The following AGBL4 variants were observed in gnomAD, a reference collection of about 807,000 sequenced individuals.
AGBL4 encodes AGBL carboxypeptidase 4.
Under a neutral mutation model 66.4 loss-of-function variants are expected in AGBL4, and 58 were observed. That is an observed-to-expected ratio of 0.87 (90% CI 0.71 to 1.09). AGBL4 has a LOEUF of 1.09. Ranked by LOEUF, AGBL4 falls within the 50% of genes least tolerant of loss-of-function variation. The pLI is 0.00. For missense variants in AGBL4, 579 were observed against 631.0 expected (o/e 0.92, Z 0.88); for synonymous variants, 234 against 222.9 (o/e 1.05, Z -0.44).
chr1:49,522,464 G>A (rs75474326), intron 3 of AGBL4, among the ~76,000 whole-genome samples: 2 of 152,040 alleles, frequency 1.3e-5, no homozygotes, highest in African/African-American at 4.8e-5. Flanking sequence ...TTTATTGTGT[G>A]GGAATATTTG....
intron 1 of AGBL4, among the ~76,000 whole-genome samples, chr1:49,945,673 G>C (rs1014323776): frequency 1.3e-5 from 2 of 151,586 alleles, no homozygotes; most frequent in African/African-American, 4.8e-5. Flanking sequence ...AAGTAAAGAG[G>C]CAACAAATAG....
At chr1:48,577,219 G>C (rs574827364) in intron 11 of AGBL4, among the ~76,000 whole-genome samples, 3 of 152,198 alleles carry the variant, frequency 2.0e-5, no homozygotes, top group Admixed American at 2.0e-4. Context: ...CAATAAGAAG[G>C]TGGGAACACA....
chr1:49,992,894 TC>T (rs1660072489), intron 1 of AGBL4, among the ~76,000 whole-genome samples: 1 of 152,168 alleles, frequency 6.6e-6, no homozygotes, highest in South Asian at 2.1e-4. Flanking sequence ...CTGCACTATT[TC>T]CCTTGCAGTC....
chr1:48,948,869 T>C (rs1358224726), intron 5 of AGBL4, among the ~76,000 whole-genome samples: 1 of 141,732 alleles, frequency 7.1e-6, no homozygotes, highest in African/African-American at 2.6e-5. Flanking sequence ...CATAAAAGAC[T>C]AAAAAAAAAA....
chr1:49,475,503 G>A (rs926477986), intron 3 of AGBL4, among the ~76,000 whole-genome samples: 6 of 152,014 alleles, frequency 3.9e-5, no homozygotes, highest in African/African-American at 1.4e-4. Context: ...CAGTAGGATT[G>A]ATAGCAGTTC....
intron 3 of AGBL4, among the ~76,000 whole-genome samples, chr1:49,409,602 G>C (rs1645276296): frequency 6.6e-6 from 1 of 152,056 alleles, no homozygotes; most frequent in African/African-American, 2.4e-5. Context: ...GTCAGATAGG[G>C]CTTCATTTAA....
chr1:49,807,607 T>C (rs1400074405), intron 2 of AGBL4, among the ~76,000 whole-genome samples: 4 of 152,232 alleles, frequency 2.6e-5, no homozygotes, highest in African/African-American at 9.6e-5. Flanking sequence ...TCTGGACTTT[T>C]GACTTTTGAG....
At chr1:49,188,558 A>G (rs1647057164) in intron 4 of AGBL4, among the ~76,000 whole-genome samples, 1 of 152,186 alleles carries the variant, frequency 6.6e-6, no homozygotes, top group Non-Finnish European at 1.5e-5. Context: ...TTGAGTAATA[A>G]TCTCTATCCC....
intron 1 of AGBL4, among the ~76,000 whole-genome samples, chr1:49,889,337 C>T (rs1648396193): frequency 6.6e-6 from 1 of 152,102 alleles, no homozygotes; most frequent in Admixed American, 6.5e-5. Context: ...AAGACCCTGT[C>T]TTAAATAAAT....
At chr1:49,700,468 C>A (rs1647070465) in intron 2 of AGBL4, among the ~76,000 whole-genome samples, 1 of 151,890 alleles carries the variant, frequency 6.6e-6, no homozygotes, top group Admixed American at 6.6e-5. Context: ...AAGAAATATT[C>A]AGCAAAGGAT....
chr1:49,899,997 G>A (rs1297766172), intron 1 of AGBL4, among the ~76,000 whole-genome samples: 3 of 151,644 alleles, frequency 2.0e-5, no homozygotes, highest in Non-Finnish European at 4.4e-5. Context: ...AGCCGAGATC[G>A]TACCACTGCA....
At chr1:49,291,419 C>A (rs1454247429) in intron 3 of AGBL4, among the ~76,000 whole-genome samples, 1 of 152,098 alleles carries the variant, frequency 6.6e-6, no homozygotes, top group South Asian at 2.1e-4. Context: ...ACTAAAAAAT[C>A]CTACATCAAC....
chr1:48,760,761 G>T (rs1557959570), intron 6 of AGBL4, among the ~76,000 whole-genome samples: 1 of 152,082 alleles, frequency 6.6e-6, no homozygotes, highest in Non-Finnish European at 1.5e-5. Flanking sequence ...TTCCTCTCAG[G>T]TATCTACTGC....
intron 3 of AGBL4, among the ~76,000 whole-genome samples, chr1:49,504,137 G>A (rs1277244289): frequency 6.6e-6 from 1 of 152,080 alleles, no homozygotes; most frequent in Non-Finnish European, 1.5e-5. Flanking sequence ...TAGTGAGTGT[G>A]TCTCATGAGA....
chr1:49,840,541 C>T (rs1645965281), intron 2 of AGBL4, among the ~76,000 whole-genome samples: 1 of 152,060 alleles, frequency 6.6e-6, no homozygotes, highest in African/African-American at 2.4e-5. Context: ...CAGCCTAGTA[C>T]CAAAAACTGG....
intron 2 of AGBL4, among the ~76,000 whole-genome samples, chr1:49,782,044 A>G (rs1265187139): frequency 1.3e-5 from 2 of 151,938 alleles, no homozygotes; most frequent in African/African-American, 4.8e-5. Context: ...TGACATAAGC[A>G]TCACCTTATG....
At chr1:49,778,049 T>A (rs1644242450) in intron 2 of AGBL4, among the ~76,000 whole-genome samples, 1 of 152,090 alleles carries the variant, frequency 6.6e-6, no homozygotes, top group Non-Finnish European at 1.5e-5. Context: ...CATTTCTCAT[T>A]TTCCCCAAAG....
chr1:49,393,523 A>T (rs1644892780), intron 3 of AGBL4, among the ~76,000 whole-genome samples: 1 of 152,216 alleles, frequency 6.6e-6, no homozygotes. Context: ...TGCCTCTAAC[A>T]GAGCTCACAC....
intron 3 of AGBL4, among the ~76,000 whole-genome samples, chr1:49,343,269 T>C (rs1456171597): frequency 6.6e-6 from 1 of 152,144 alleles, no homozygotes; most frequent in Non-Finnish European, 1.5e-5. Context: ...ACCTCTGTTT[T>C]CCTCATGGAA....
Sources: gnomAD v4.1 joint callset for allele counts (sites outside exome capture counted in the v4.1 genomes callset) on GRCh38, gnomAD v4.1.1 for gene constraint, MANE v1.5 for transcripts, NCBI Gene and HGNC (gene_info 2026-07-23, HGNC 2026-07-21) for gene names.